Variants in ROBO1 observed in about 807,000 individuals in gnomAD.
ROBO1 encodes roundabout homolog 1.
ROBO1 carries 149 observed loss-of-function variants against 195.9 expected under a neutral mutation model. The observed-to-expected ratio is 0.76, with a 90% confidence interval of 0.67 to 0.87. ROBO1 has a LOEUF of 0.87. Ranked by LOEUF, ROBO1 falls within the 40% of genes least tolerant of loss-of-function variation. ROBO1 has a pLI of 0.00. For missense variants in ROBO1, 1,933 were observed against 2,068.3 expected (o/e 0.93, Z 1.27); for synonymous variants, 816 against 733.2 (o/e 1.11, Z -1.82).
intron 1 of ROBO1, among the ~76,000 whole-genome samples, chr3:79,632,768 G>GA (rs962925028): frequency 6.6e-6 from 1 of 151,564 alleles, no homozygotes; most frequent in South Asian, 2.1e-4. Context: ...ACTTCTAAAA[G>GA]AAAAAAAATG....
intron 1 of ROBO1, among the ~76,000 whole-genome samples, chr3:79,629,752 AG>A (rs1945283938): frequency 6.6e-6 from 1 of 152,080 alleles, no homozygotes; most frequent in Admixed American, 6.6e-5. Flanking sequence ...AGCTAAATCA[AG>A]CAAGAAAAAA....
At chr3:78,672,661 G>C (rs1220110528) in intron 10 of ROBO1, among the ~76,000 whole-genome samples, 1 of 150,956 alleles carries the variant, frequency 6.6e-6, no homozygotes, top group Non-Finnish European at 1.5e-5. Context: ...TTTCCAGGTA[G>C]AGAAATGAAA....
At chr3:78,911,168 A>G (rs1265847689) in intron 4 of ROBO1, among the ~76,000 whole-genome samples, 1 of 152,060 alleles carries the variant, frequency 6.6e-6, no homozygotes, top group East Asian at 1.9e-4. Context: ...ACAATGAGAA[A>G]ACATGGAACC....
rs1454542726 is a variant in ROBO1, at chr3:79,434,890, A to G, written c.88+154934T>C. On this transcript the variant is annotated intron_variant, in intron 2 of 30. Coordinates refer to ENST00000464233, the MANE Select transcript of ROBO1 (RefSeq NM_002941.4). ...ATGGAATACTATGTAGCCATAAAAAATGATGAGTTCATATCCTTTGTAGGG... is the reference window on the plus strand; with the variant it reads ...ATGGAATACTATGTAGCCATAAAAAGTGATGAGTTCATATCCTTTGTAGGG... Among the ~76,000 whole-genome samples, 4 of 152,328 alleles carry G rather than the reference A, an allele frequency of 2.6e-5. No homozygotes were observed. The East Asian group carries it at 5.8e-4, about 22-fold the overall frequency.
At chr3:79,333,588 A>T (rs528230087) in intron 2 of ROBO1, among the ~76,000 whole-genome samples, 1 of 152,094 alleles carries the variant, frequency 6.6e-6, no homozygotes, top group Admixed American at 6.6e-5. Flanking sequence ...CCCCACTCCA[A>T]CCTCACTTAG....
intron 5 of ROBO1, among the ~76,000 whole-genome samples, chr3:78,743,163 A>G (rs2082573640): frequency 6.6e-6 from 1 of 152,148 alleles, no homozygotes; most frequent in African/African-American, 2.4e-5. Flanking sequence ...ATGGAACATG[A>G]CATTAAAAAG....
At chr3:79,212,302 C>A (rs1285011290) in intron 2 of ROBO1, among the ~76,000 whole-genome samples, 1 of 152,140 alleles carries the variant, frequency 6.6e-6, no homozygotes, top group Non-Finnish European at 1.5e-5. Context: ...GATTTGGGGG[C>A]TTATTCTCAA....
chr3:79,279,686 C>A (rs1179417485), intron 2 of ROBO1, among the ~76,000 whole-genome samples: 2 of 152,094 alleles, frequency 1.3e-5, no homozygotes, highest in Admixed American at 1.3e-4. Flanking sequence ...GAATTCCATA[C>A]CTTGGCTACT....
chr3:79,757,707 C>A (rs983416487), intron 1 of ROBO1, among the ~76,000 whole-genome samples: 1 of 151,882 alleles, frequency 6.6e-6, no homozygotes, highest in Non-Finnish European at 1.5e-5. Flanking sequence ...ATAATAGTCA[C>A]CCTAATGGAA....
At chr3:79,386,898 CA>C (rs138775241) in intron 2 of ROBO1, among the ~76,000 whole-genome samples, 4,193 of 151,090 alleles carry the variant, frequency 0.028, 193 homozygotes, top group African/African-American at 0.096. Context: ...TATTTTGCAT[CA>C]AAAAAAAGAG....
intron 3 of ROBO1, among the ~76,000 whole-genome samples, chr3:79,119,769 A>ATTTT (rs111507623): frequency 6.8e-6 from 1 of 146,580 alleles, no homozygotes. Flanking sequence ...TGATTCATGG[A>ATTTT]TTTTTTTTTT....
At position 79,462,066 on chromosome 3, in the gene ROBO1, T is replaced by C. The variant is rs543832223; in HGVS notation, c.88+127758A>G. Among the ~76,000 whole-genome samples, 11 of 152,312 alleles carry C rather than the reference T, an allele frequency of 7.2e-5. 1 individual carries two copies. In the East Asian group the frequency reaches 2.1e-3, roughly 29 times the overall value. ...TATATCAGTCAAGGTAGTATTATTA[T>C]GTGGTAAGTAACATAAAGTTGAAGA... On this transcript the variant is annotated intron_variant, in intron 2 of 30. Transcript: ENST00000464233.
intron 2 of ROBO1, among the ~76,000 whole-genome samples, chr3:79,449,368 A>AT (rs1343046986): frequency 6.6e-6 from 1 of 152,206 alleles, no homozygotes; most frequent in East Asian, 1.9e-4. Context: ...GAGTTCTCTG[A>AT]TTTATAAAAT....
At position 79,173,664 on chromosome 3, in the gene ROBO1, A is replaced by G. The variant is rs555175634; in HGVS notation, c.89-48125T>C. Among the ~76,000 whole-genome samples, 16 of 152,186 alleles carry G rather than the reference A, an allele frequency of 1.1e-4. No homozygotes were observed. The East Asian group carries it at 2.9e-3, about 28-fold the overall frequency. The stretch of plus-strand genomic sequence containing the variant: ...CCGGATGAGCACGGCCCCCTGCTCC[A>G]CGGTGCCCAGTCCCACCGACCACCC... On this transcript the variant is annotated intron_variant, in intron 2 of 30. Transcript: ENST00000464233.
intron 2 of ROBO1, among the ~76,000 whole-genome samples, chr3:79,284,353 G>A (rs1398364848): frequency 6.6e-6 from 1 of 151,922 alleles, no homozygotes; most frequent in Non-Finnish European, 1.5e-5. Context: ...AGAAAACATA[G>A]GTTAATTATA....
intron 2 of ROBO1, among the ~76,000 whole-genome samples, chr3:79,532,612 G>T (rs1003626065): frequency 2.1e-5 from 3 of 141,274 alleles, no homozygotes; most frequent in African/African-American, 8.0e-5. Context: ...TTAAACTACT[G>T]ATCTTTTCTC....
chr3:79,181,264 A>G (rs2081334856), intron 2 of ROBO1, among the ~76,000 whole-genome samples: 1 of 152,138 alleles, frequency 6.6e-6, no homozygotes, highest in South Asian at 2.1e-4. Flanking sequence ...CATTTTCCTC[A>G]TGTACTACTA....
At chr3:78,884,538 C>CA (rs1439834438) in intron 4 of ROBO1, among the ~76,000 whole-genome samples, 1 of 142,676 alleles carries the variant, frequency 7.0e-6, no homozygotes, top group Admixed American at 7.2e-5. Flanking sequence ...GATTGCCCCT[C>CA]AAAAAAGAAA....
intron 2 of ROBO1, among the ~76,000 whole-genome samples, chr3:79,506,272 A>C (rs1940389880): frequency 1.3e-5 from 2 of 152,170 alleles, no homozygotes; most frequent in African/African-American, 4.8e-5. Context: ...CAATTAGAAG[A>C]TTTTTAAGGA....
Sources: allele counts gnomAD v4.1 joint callset (sites outside exome capture counted in the v4.1 genomes callset), GRCh38; gene constraint gnomAD v4.1.1; transcripts MANE v1.5; gene names NCBI Gene and HGNC (gene_info 2026-07-23, HGNC 2026-07-21).